MTMR10: variants seen among roughly 807,000 people sequenced by gnomAD.
MTMR10 encodes the protein myotubularin-related protein 10.
Under a neutral mutation model 88.1 loss-of-function variants are expected in MTMR10, and 56 were observed. The observed-to-expected ratio is 0.64, with a 90% CI of 0.51 to 0.79. The LOEUF is 0.79. Ranked by LOEUF, MTMR10 falls within the 30% of genes least tolerant of loss-of-function variation. The pLI is 0.00. For missense variants in MTMR10, 883 were observed against 924.7 expected, an observed-to-expected ratio of 0.95 and a Z score of 0.58; for synonymous variants, 380 against 340.9, an observed-to-expected ratio of 1.11 and a Z score of -1.26.
intron 2 of MTMR10, among the ~76,000 whole-genome samples, chr15:30,990,535 G>C (rs182230675): frequency 2.4e-3 from 370 of 152,270 alleles, no homozygotes; most frequent in Non-Finnish European, 4.2e-3. Flanking sequence ...TCAGCAAAGA[G>C]TACTTTTACT....
At chr15:30,921,508 C>A in the MTMR10 span, among the ~76,000 whole-genome samples, 1 of 151,910 alleles carries the variant, frequency 6.6e-6, no homozygotes, top group African/African-American at 2.4e-5. Context: ...CAGGCATGGT[C>A]AAAAATATAT....
At chr15:30,979,515 T>C (rs1469430109) in intron 2 of MTMR10, among the ~76,000 whole-genome samples, 1 of 151,306 alleles carries the variant, frequency 6.6e-6, no homozygotes, top group Non-Finnish European at 1.5e-5. Flanking sequence ...GAGGTGGAGG[T>C]TGCAGTGCAC....
chr15:30,922,694 A>G, the MTMR10 span, among the ~76,000 whole-genome samples: 3 of 152,210 alleles, frequency 2.0e-5, no homozygotes, highest in African/African-American at 7.2e-5. Context: ...CCTTCAAGGA[A>G]GGTGTTTGTT....
chr15:30,978,133 T>C (rs1346898091), intron 2 of MTMR10, among the ~76,000 whole-genome samples: 1 of 152,218 alleles, frequency 6.6e-6, no homozygotes, highest in Non-Finnish European at 1.5e-5. Flanking sequence ...TCTACCTTAG[T>C]CCAACCACTG....
chr15:30,956,883 A>C (rs1222163138), intron 9 of MTMR10, among the ~76,000 whole-genome samples: 2 of 152,238 alleles, frequency 1.3e-5, no homozygotes, highest in African/African-American at 2.4e-5. Flanking sequence ...AATGAAAACA[A>C]GGCTTGGAGT....
At position 30,946,583 on chromosome 15, in the gene MTMR10, CAATG is replaced by C. The variant is rs1848157827; in HGVS notation, c.1548+543_1548+546del. On this transcript the variant is annotated intron_variant, in intron 14 of 15. Transcript: ENST00000435680. ...AAGAGCTGCCCCTTTCTGTTTCTCT[CAATG>C]GTCTCCACGGCATTTGTCAGCTTCT... The C allele has an allele frequency of 1.7e-5, 10 of 605,662 alleles. No homozygotes were observed. In the Admixed American group the frequency reaches 2.9e-4, roughly 17 times the overall value. 37.5% of individuals were successfully genotyped at this position (605,662 alleles called of 1,614,324 possible).
chr15:30,985,753 A>T (rs531242942), intron 2 of MTMR10, among the ~76,000 whole-genome samples: 204 of 152,300 alleles, frequency 1.3e-3, no homozygotes, highest in Admixed American at 2.9e-3. Context: ...GGACAATGAA[A>T]CCCAGGGACT....
chr15:30,942,499 T>C, intron 15 of MTMR10: 1 of 264,774 alleles, frequency 3.8e-6, no homozygotes, highest in Non-Finnish European at 7.1e-6. Flanking sequence ...CAAGAATTTA[T>C]TTGGGAATTA....
the MTMR10 span, among the ~76,000 whole-genome samples, chr15:30,932,141 G>GAACTCAGGAGGTGGAGCTA: frequency 6.9e-6 from 1 of 145,042 alleles, no homozygotes; most frequent in Admixed American, 7.2e-5. Flanking sequence ...AGAATCGCTT[G>GAACTCAGGAGGTGGAGCTA]AACTCAGGAG....
chr15:30,951,476 C>A lies in MTMR10; in HGVS notation c.1207+492G>T, dbSNP rs137911623. Among the ~76,000 whole-genome samples, 4 of 151,108 alleles carry A rather than the reference C, an allele frequency of 2.6e-5. No homozygotes were observed. The East Asian group carries it at 7.9e-4, about 30-fold the overall frequency. ...GGTAAAAACTGGACTACTTTCTATT[C>A]TTCTATTTGCAGTCCTTGTGCCACT... On this transcript the variant is annotated intron_variant, in intron 12 of 15. Transcript: ENST00000435680.
At chr15:30,942,133 C>A in intron 15 of MTMR10, 61 bp from the exon 16 acceptor site, 1 of 1,522,412 alleles carries the variant, frequency 6.6e-7, no homozygotes. Context: ...TTGAAGGATG[C>A]AATGGCAAAT....
intron 2 of MTMR10, among the ~76,000 whole-genome samples, chr15:30,988,130 C>T (rs1422172269): frequency 6.6e-6 from 1 of 152,102 alleles, no homozygotes; most frequent in Non-Finnish European, 1.5e-5. Flanking sequence ...CAGTAGGCTA[C>T]AGGCCAACAA....
rs2063556277 is a variant in MTMR10 at position 30,973,043 on chromosome 15, A to G, written c.474+1271T>C. On this transcript the variant is annotated intron_variant, in intron 5 of 15. Coordinates refer to ENST00000435680, the MANE Select transcript of MTMR10 (RefSeq NM_017762.3). ...GGTCTTTGATGCTTTGATCAATTAA[A>G]TTACAAATATAAATAAGCTTGAGGA... is the stretch of plus-strand genomic sequence containing the variant. Among the ~76,000 whole-genome samples the G allele has an allele frequency of 2.0e-5, 3 of 152,306 alleles. No individual in the cohort carries two copies. In the South Asian group the frequency reaches 6.2e-4, roughly 32 times the overall value.
chr15:30,988,990 AAAAAAAAAAAAAAAAATTT>A (rs1049601655), intron 2 of MTMR10, among the ~76,000 whole-genome samples: 7 of 150,614 alleles, frequency 4.6e-5, no homozygotes, highest in African/African-American at 1.7e-4. Context: ...TCTGTCTCAA[AAAAAAAAAAAAAAAAATTT>A]AAAAAAAATT....
At chr15:30,952,374 T>A (rs2063260983) in intron 11 of MTMR10, among the ~76,000 whole-genome samples, 1 of 152,232 alleles carries the variant, frequency 6.6e-6, no homozygotes, top group Non-Finnish European at 1.5e-5. Context: ...AATTTTTGTT[T>A]TCTTTTTAAG....
At chr15:30,971,373 G>C (rs975615611) in intron 5 of MTMR10, among the ~76,000 whole-genome samples, 1 of 152,116 alleles carries the variant, frequency 6.6e-6, no homozygotes, top group Non-Finnish European at 1.5e-5. Context: ...AAGATCACCT[G>C]GGGTGCAGTA....
chr15:30,929,843 TAA>T, the MTMR10 span, among the ~76,000 whole-genome samples: 409 of 82,358 alleles, frequency 5.0e-3, 56 homozygotes, highest in Non-Finnish European at 5.7e-3. Context: ...ATATAATATA[TAA>T]AATATATATC....
intron 14 of MTMR10, chr15:30,943,526 GT>G: frequency 2.0e-6 from 2 of 985,384 alleles, no homozygotes; most frequent in Non-Finnish European, 2.4e-6. Context: ...AACTTACTTC[GT>G]AAGTGGGGAG....
At chr15:30,950,125 G>A (rs967008792) in intron 12 of MTMR10, 1 of 152,116 alleles carries the variant, frequency 6.6e-6, no homozygotes, top group Non-Finnish European at 1.5e-5. Flanking sequence ...TGCTACTTCT[G>A]AGGCCTTTTC....
Sources: allele counts gnomAD v4.1 joint callset (sites outside exome capture counted in the v4.1 genomes callset), GRCh38; gene constraint gnomAD v4.1.1; transcripts MANE v1.5; gene names NCBI Gene and HGNC (gene_info 2026-07-23, HGNC 2026-07-21).